The following DISP1 variants were observed in gnomAD, a reference collection of about 807,000 sequenced individuals.
The protein encoded by DISP1 is protein dispatched homolog 1.
A neutral mutation model predicts 37.3 loss-of-function variants in DISP1; 30 were observed. The ratio of observed to expected loss-of-function variants is 0.80; its 90% confidence interval spans 0.60 to 1.09. The LOEUF (loss-of-function observed/expected upper bound fraction) is 1.09. Among genes scored for constraint, DISP1 ranks in the 50% least tolerant of loss-of-function variants. The pLI, the probability that DISP1 is intolerant of heterozygous loss-of-function variation, is 0.00. For synonymous variants in DISP1, 634 were observed against 690.2 expected (o/e 0.92, Z 1.28); for missense variants, 1,598 against 1,879.5 (o/e 0.85, Z 2.77).
At chr1:222,965,200 T>C (rs1005157352) in intron 3 of DISP1, among the ~76,000 whole-genome samples, 1 of 152,180 alleles carries the variant, frequency 6.6e-6, no homozygotes, top group East Asian at 1.9e-4. Flanking sequence ...TCTTTAACTA[T>C]GTGGCTTTGG....
intron 1 of DISP1, among the ~76,000 whole-genome samples, chr1:222,907,689 T>G (rs1572481387): frequency 6.6e-6 from 1 of 152,338 alleles, no homozygotes; most frequent in East Asian, 1.9e-4. Flanking sequence ...CAGTGGCTCA[T>G]GCCTGTAATC....
rs1220851502 is a variant in DISP1, at chr1:222,943,341, T to A, written c.509+9T>A. 1 of 1,614,206 alleles carries A rather than the reference T, an allele frequency of 6.2e-7. No individual in the cohort carries two copies. Among genetic ancestry groups the A allele is most frequent in the South Asian group, 1.1e-5 (1 of 91,080 alleles). On this transcript the variant is annotated intron_variant, in intron 3 of 8. Transcript: ENST00000675850. ...CACATAGCCAACATAAGGTAAGTGA[T>A]CCGAAAGTTTTGCTTTTAGCATTCA...
chr1:222,915,536 G>C (rs2125430829), intron 1 of DISP1, among the ~76,000 whole-genome samples: 1 of 152,264 alleles, frequency 6.6e-6, no homozygotes, highest in East Asian at 1.9e-4. Flanking sequence ...TAGAATTCTT[G>C]GTCATTGACC....
rs539109111 is a variant in DISP1 at position 222,979,669 on chromosome 1, C to G, written c.510-3411C>G. 1.0e-4 allele frequency: 48 copies of G among 470,872 alleles called. No homozygotes were observed. The East Asian group carries it at 3.3e-3, about 33-fold the overall frequency. The allele number at this position is 470,872 out of a possible 1,614,324, so 29.2% of individuals were successfully genotyped here. ...GCTTCATGGCTTCTTCAGATGTGAA[C>G]GTGTTCACTGAAAGCCCAGTCTGTG... is the stretch of plus-strand genomic sequence containing the variant. On this transcript the variant is annotated intron_variant, in intron 3 of 8. Transcript: ENST00000675850.
At position 222,935,475 on chromosome 1, in the gene DISP1, T is replaced by C. The variant is rs562662185; in HGVS notation, c.-18+6905T>C. ...TCATCAGTATGTGACTTTGAGCACC[T>C]TACTTAGAATCTCTATGTTGTTTTC... On this transcript the variant is annotated intron_variant, in intron 2 of 8. Transcript: ENST00000675850. Among the ~76,000 whole-genome samples, 14 of 152,296 alleles carry C rather than the reference T, an allele frequency of 9.2e-5. No individual in the cohort carries two copies. The East Asian group carries it at 2.5e-3, about 27-fold the overall frequency.
rs192320368 is a variant in DISP1 at position 222,835,384 on chromosome 1, A to G, written c.-159+20306A>G. On this transcript the variant is annotated intron_variant, in intron 1 of 8. Transcript: ENST00000675850. ...CGTATTGGAGTTTTTTTCTTTTTTAAAAACATCTTTGGTAATACAGTTGAT... is the reference window on the plus strand; with the variant it reads ...CGTATTGGAGTTTTTTTCTTTTTTAGAAACATCTTTGGTAATACAGTTGAT... Among the ~76,000 whole-genome samples, 4 of 152,258 alleles carry G rather than the reference A, an allele frequency of 2.6e-5. No homozygotes were observed. The East Asian group carries it at 7.7e-4, about 29-fold the overall frequency.
chr1:222,968,789 C>G (rs960148805), intron 3 of DISP1, among the ~76,000 whole-genome samples: 8 of 151,602 alleles, frequency 5.3e-5, no homozygotes, highest in Non-Finnish European at 1.0e-4. Context: ...CAAAATTAGC[C>G]AGGCATGGTG....
rs771845631 is a variant in DISP1 at position 222,997,365 on chromosome 1, G to GT, written c.987+2389dup. 8.7e-4 allele frequency among the ~76,000 whole-genome samples: 133 copies of GT among 152,198 alleles called. 4 individuals carry two copies. The highest frequency in any genetic ancestry group is 6.8e-3 in the Middle Eastern group (2 of 294). ...GTCATATAAATAGGGTAACAAGTTTGTTTTTTAGAAGCCCAGCTTTTCCTC... is the reference window on the plus strand; with the variant it reads ...GTCATATAAATAGGGTAACAAGTTTGTTTTTTTAGAAGCCCAGCTTTTCCTC... On this transcript the variant is annotated intron_variant, in intron 8 of 8. Transcript: ENST00000675850.
chr1:222,886,079 C>G (rs189799657), intron 1 of DISP1, among the ~76,000 whole-genome samples: 16 of 152,310 alleles, frequency 1.1e-4, no homozygotes, highest in African/African-American at 3.4e-4. Flanking sequence ...TTCAGAGTTC[C>G]TCCATGTCTA....
intron 1 of DISP1, among the ~76,000 whole-genome samples, chr1:222,815,644 G>T (rs144664143): frequency 2.0e-5 from 3 of 152,216 alleles, no homozygotes; most frequent in Admixed American, 1.3e-4. Context: ...CGCTCCGCGC[G>T]TGTGGATTTC....
At chr1:222,965,774 C>T (rs1188093912) in intron 3 of DISP1, among the ~76,000 whole-genome samples, 1 of 152,016 alleles carries the variant, frequency 6.6e-6, no homozygotes, top group Non-Finnish European at 1.5e-5. Context: ...CTATATTTAT[C>T]ACTGTTGTGG....
chr1:222,817,025 A>G (rs1661417734), intron 1 of DISP1, among the ~76,000 whole-genome samples: 1 of 152,258 alleles, frequency 6.6e-6, no homozygotes, highest in African/African-American at 2.4e-5. Flanking sequence ...TTGTTGAAAC[A>G]CAAGAGCACT....
intron 1 of DISP1, among the ~76,000 whole-genome samples, chr1:222,870,252 G>A (rs1193160851): frequency 3.9e-5 from 6 of 152,224 alleles, no homozygotes; most frequent in South Asian, 2.1e-4. Context: ...ATAAACATAC[G>A]TGTGCATGTG....
intron 1 of DISP1, among the ~76,000 whole-genome samples, chr1:222,878,726 C>T (rs1248845126): frequency 6.6e-6 from 1 of 152,072 alleles, no homozygotes; most frequent in Non-Finnish European, 1.5e-5. Flanking sequence ...ATGGATAAAG[C>T]ATTTTTGCAA....
chr1:222,945,266 T>G (rs1674689516), intron 3 of DISP1, among the ~76,000 whole-genome samples: 1 of 152,174 alleles, frequency 6.6e-6, no homozygotes, highest in South Asian at 2.1e-4. Flanking sequence ...TAGGCTATGA[T>G]AAGAAGTTCA....
chr1:222,904,020 G>T lies in DISP1; in HGVS notation c.-158-24410G>T, dbSNP rs575147083. 4.6e-5 allele frequency among the ~76,000 whole-genome samples: 7 copies of T among 152,274 alleles called. No homozygotes were observed. In the East Asian group the frequency reaches 1.3e-3, roughly 29 times the overall value. On this transcript the variant is annotated intron_variant, in intron 1 of 8. Coordinates refer to ENST00000675850, the MANE Select transcript of DISP1 (RefSeq NM_001377229.1). ...TTAGATCAAATAAAACCTAGCATAT[G>T]GGTTGTGTACTCCTGCCATTCAAAT...
At chr1:222,936,747 C>CAT (rs1491401162) in intron 2 of DISP1, among the ~76,000 whole-genome samples, 1 of 63,710 alleles carries the variant, frequency 1.6e-5, no homozygotes, top group East Asian at 5.0e-4. Context: ...AATTATATAT[C>CAT]ATATATATGA....
At chr1:222,957,180 T>C (rs1443700886) in intron 3 of DISP1, among the ~76,000 whole-genome samples, 1 of 150,208 alleles carries the variant, frequency 6.7e-6, no homozygotes, top group Non-Finnish European at 1.5e-5. Flanking sequence ...CATTCTTAGA[T>C]TCCGCTTTTG....
At chr1:222,873,375 G>A (rs1321316371) in intron 1 of DISP1, among the ~76,000 whole-genome samples, 1 of 152,154 alleles carries the variant, frequency 6.6e-6, no homozygotes, top group Non-Finnish European at 1.5e-5. Flanking sequence ...ATAGTGGGGT[G>A]TTGAAGTCTC....
Sources: allele counts gnomAD v4.1 joint callset (sites outside exome capture counted in the v4.1 genomes callset), GRCh38; gene constraint gnomAD v4.1.1; transcripts MANE v1.5; gene names NCBI Gene and HGNC (gene_info 2026-07-23, HGNC 2026-07-21).